The following PPARGC1A variants were observed in gnomAD, a reference collection of about 807,000 sequenced individuals.
PPARGC1A encodes the protein PPARG coactivator 1 alpha, also known as peroxisome proliferator-activated receptor gamma coactivator 1-alpha.
PPARGC1A carries 25 observed loss-of-function variants against 88.7 expected under a neutral mutation model. The observed-to-expected ratio is 0.28, with a 90% CI of 0.21 to 0.39. The LOEUF (loss-of-function observed/expected upper bound fraction) is 0.39, where lower values mean the gene tolerates loss of function less well. PPARGC1A is among the 10% of genes least tolerant of loss of function. The pLI is 1.00. For missense variants in PPARGC1A, 880 were observed against 968.7 expected (o/e 0.91, Z 1.22); for synonymous variants, 363 against 355.6 (o/e 1.02, Z -0.24).
At chr4:24,137,902 G>T in the PPARGC1A span, among the ~76,000 whole-genome samples, 2 of 152,254 alleles carry the variant, frequency 1.3e-5, no homozygotes, top group Non-Finnish European at 2.9e-5. Flanking sequence ...AAAACGACTT[G>T]ATAATTCTAT....
At chr4:24,357,553 G>A in the PPARGC1A span, among the ~76,000 whole-genome samples, 1 of 152,134 alleles carries the variant, frequency 6.6e-6, no homozygotes, top group East Asian at 1.9e-4. Flanking sequence ...AGGCATTTAC[G>A]CTGATCTTAC....
chr4:24,415,276 T>G, the PPARGC1A span, among the ~76,000 whole-genome samples: 1 of 152,028 alleles, frequency 6.6e-6, no homozygotes, highest in Non-Finnish European at 1.5e-5. Context: ...TCATCGATAG[T>G]TGTGGAGCTA....
the PPARGC1A span, among the ~76,000 whole-genome samples, chr4:24,276,166 C>T: frequency 6.6e-6 from 1 of 152,222 alleles, no homozygotes; most frequent in African/African-American, 2.4e-5. Flanking sequence ...GAAAGGGCAG[C>T]AGCCACCTTC....
At chr4:24,326,350 G>A in the PPARGC1A span, among the ~76,000 whole-genome samples, 66,416 of 146,016 alleles carry the variant, frequency 0.45, 14,057 homozygotes, top group Admixed American at 0.61. Context: ...TTCAGGATCT[G>A]CGCCTTATCA....
chr4:24,251,413 A>G, the PPARGC1A span, among the ~76,000 whole-genome samples: 3 of 152,172 alleles, frequency 2.0e-5, no homozygotes, highest in Non-Finnish European at 4.4e-5. Context: ...CTATGCACAA[A>G]AGCATAAATC....
the PPARGC1A span, among the ~76,000 whole-genome samples, chr4:24,328,296 A>G: frequency 2.1e-5 from 3 of 140,860 alleles, no homozygotes; most frequent in Admixed American, 7.4e-5. Flanking sequence ...CCAACCCGTC[A>G]TTTTAGTAAA....
chr4:24,011,807 G>A, the PPARGC1A span, among the ~76,000 whole-genome samples: 1 of 152,206 alleles, frequency 6.6e-6, no homozygotes, highest in South Asian at 2.1e-4. Context: ...GCCTCTTTAA[G>A]GACAATTAGG....
At chr4:24,235,716 G>T in the PPARGC1A span, among the ~76,000 whole-genome samples, 1 of 152,304 alleles carries the variant, frequency 6.6e-6, no homozygotes, top group African/African-American at 2.4e-5. Flanking sequence ...AAGAGAAACT[G>T]CAGTCAATGT....
the PPARGC1A span, among the ~76,000 whole-genome samples, chr4:23,994,029 A>C: frequency 2.6e-3 from 403 of 152,288 alleles, 2 homozygotes; most frequent in African/African-American, 9.2e-3. Flanking sequence ...AAAGAATAGA[A>C]GTTTCTAGGT....
chr4:24,269,765 C>G, the PPARGC1A span, among the ~76,000 whole-genome samples: 2 of 152,144 alleles, frequency 1.3e-5, no homozygotes, highest in African/African-American at 4.8e-5. Flanking sequence ...TGGTAACAGT[C>G]TGTCCTGAGC....
the PPARGC1A span, among the ~76,000 whole-genome samples, chr4:24,403,517 C>A: frequency 2.6e-5 from 4 of 152,224 alleles, no homozygotes; most frequent in Non-Finnish European, 4.4e-5. Flanking sequence ...CCCAGCACAG[C>A]ATTCCACCCA....
chr4:23,870,862 T>A (rs1713167756), intron 2 of PPARGC1A, among the ~76,000 whole-genome samples: 1 of 151,992 alleles, frequency 6.6e-6, no homozygotes, highest in East Asian at 1.9e-4. Flanking sequence ...GGAACATACA[T>A]CTTCTCTTTC....
chr4:24,247,023 A>G, the PPARGC1A span, among the ~76,000 whole-genome samples: 2 of 152,348 alleles, frequency 1.3e-5, no homozygotes, highest in Non-Finnish European at 2.9e-5. Context: ...CAGTATTTTC[A>G]GGTAAAATTG....
the PPARGC1A span, among the ~76,000 whole-genome samples, chr4:24,440,253 A>T: frequency 3.9e-5 from 6 of 152,300 alleles, no homozygotes; most frequent in East Asian, 9.7e-4. Flanking sequence ...ACTCTTCTAC[A>T]TCTTCCTACA....
chr4:24,378,455 T>C, the PPARGC1A span, among the ~76,000 whole-genome samples: 1 of 152,282 alleles, frequency 6.6e-6, no homozygotes, highest in Admixed American at 6.5e-5. Flanking sequence ...ATTTATAAAC[T>C]GTGCTACAAC....
chr4:24,000,007 T>G, the PPARGC1A span, among the ~76,000 whole-genome samples: 1 of 152,122 alleles, frequency 6.6e-6, no homozygotes, highest in Non-Finnish European at 1.5e-5. Flanking sequence ...TGAGGCACAG[T>G]GACTCAGAGC....
In PPARGC1A at chr4:23,794,181, T is replaced by A. The variant is rs1031487505; in HGVS notation, c.*1641A>T. Reference sequence around the variant, plus strand: ...CAAAAATTAAAACAAAACAGCATTTTAAAAAGATTTTTGACTTCTAGTTTC... The same window carrying A: ...CAAAAATTAAAACAAAACAGCATTTAAAAAAGATTTTTGACTTCTAGTTTC... On this transcript the variant is annotated 3_prime_UTR_variant, in exon 13 of 13. Coordinates refer to ENST00000264867, the MANE Select transcript of PPARGC1A (RefSeq NM_013261.5). 6.6e-6 allele frequency: 1 copy of A among 152,580 alleles called. No homozygotes were observed. The highest frequency in any genetic ancestry group is 1.5e-5 in the Non-Finnish European group (1 of 68,008). 9.5% of individuals were successfully genotyped at this position (152,580 alleles called of 1,614,324 possible).
upstream of PPARGC1A, among the ~76,000 whole-genome samples, chr4:23,902,848 A>G (rs1268791458): frequency 4.6e-5 from 7 of 152,216 alleles, no homozygotes; most frequent in Admixed American, 1.3e-4. Flanking sequence ...ACGATTCAGT[A>G]AACACAGTTA....
At chr4:24,375,013 TA>T in the PPARGC1A span, among the ~76,000 whole-genome samples, 367 of 127,380 alleles carry the variant, frequency 2.9e-3, 1 homozygote, top group Admixed American at 4.2e-3. Context: ...CCCCCCACCC[TA>T]AAAAAAAAAA....
Sources: gnomAD v4.1 joint callset for allele counts (sites outside exome capture counted in the v4.1 genomes callset) on GRCh38, gnomAD v4.1.1 for gene constraint, MANE v1.5 for transcripts, NCBI Gene and HGNC (gene_info 2026-07-23, HGNC 2026-07-21) for gene names.